The following SORBS3 variants were observed in gnomAD, a reference collection of about 807,000 sequenced individuals.
SORBS3 encodes the protein vinexin.
SORBS3 carries 69 observed loss-of-function variants against 98.0 expected under a neutral mutation model. The ratio of observed to expected loss-of-function variants is 0.70; its 90% confidence interval spans 0.58 to 0.86. The LOEUF (loss-of-function observed/expected upper bound fraction) is 0.86, where lower values mean the gene tolerates loss of function less well. Ranked by LOEUF, SORBS3 falls within the 40% of genes least tolerant of loss-of-function variation. The probability of loss-of-function intolerance (pLI) is 0.00; values close to 1 mark genes in which losing one functional copy is unlikely to be tolerated. For synonymous variants in SORBS3, 394 were observed against 355.4 expected (o/e 1.11, Z -1.22); for missense variants, 954 against 908.5 (o/e 1.05, Z -0.64).
chr8:22,571,961 T>C, intron 19 of SORBS3, 140 bp downstream of exon 19: 1 of 652,380 alleles, frequency 1.5e-6, no homozygotes, highest in South Asian at 1.8e-5. Context: ...GAAGAGCTTA[T>C]GGTGATTTGG....
At chr8:22,557,364 C>T (rs776800176) in intron 4 of SORBS3, among the ~76,000 whole-genome samples, 5 of 152,128 alleles carry the variant, frequency 3.3e-5, no homozygotes, top group Non-Finnish European at 7.4e-5. Context: ...GATACCCTGC[C>T]CTTTTCCATC....
At chr8:22,561,577 G>A in intron 6 of SORBS3, 5 of 628,898 alleles carry the variant, frequency 8.0e-6, no homozygotes, top group South Asian at 5.7e-5. Flanking sequence ...CGGGGAACGC[G>A]CGCTCTGCCA....
At chr8:22,572,276 G>A (rs1840606594) in intron 19 of SORBS3, 64 bp from the exon 20 acceptor site, 1 of 1,338,882 alleles carries the variant, frequency 7.5e-7, no homozygotes, top group Admixed American at 1.7e-5. Context: ...TTCACAGGAA[G>A]CGGCAACACT....
upstream of SORBS3, chr8:22,551,612 G>A (rs1229819700): frequency 2.4e-6 from 1 of 421,108 alleles, no homozygotes; most frequent in Non-Finnish European, 3.2e-6. The surrounding 1 kb of genome is among the most constrained non-coding windows in gnomAD (Gnocchi z 5.8). Flanking sequence ...ACCAGAGAGG[G>A]CTCCCCGGGG....
At chr8:22,549,546 T>C (rs1209210020), upstream of SORBS3, among the ~76,000 whole-genome samples, 1 of 152,204 alleles carries the variant, frequency 6.6e-6, no homozygotes, top group Non-Finnish European at 1.5e-5. Context: ...CAAATTTCCT[T>C]ATGTTTTCCC....
rs146988711 is a variant in SORBS3, at chr8:22,559,908, T to A, written c.479-1427T>A. ...ATGGCGAAACCCTGTCTCTATCAAA[T>A]ATACCAAAATTAGTTGGGCATGGTG... On this transcript the variant is annotated intron_variant, in intron 5 of 20. Coordinates refer to ENST00000240123, the MANE Select transcript of SORBS3 (RefSeq NM_005775.5). Among the ~76,000 whole-genome samples the A allele has an allele frequency of 2.2e-3, 336 of 150,208 alleles. 2 individuals carry two copies. The highest frequency in any genetic ancestry group is 6.9e-3 in the African/African-American group (283 of 40,832).
At chr8:22,560,442 G>T (rs369112968) in intron 5 of SORBS3, among the ~76,000 whole-genome samples, 2 of 152,286 alleles carry the variant, frequency 1.3e-5, no homozygotes, top group East Asian at 1.9e-4. Flanking sequence ...AACCAAAAAG[G>T]CAACTGAGAA....
In SORBS3 at chr8:22,571,153, G is replaced by T. The variant is rs141875840; in HGVS notation, c.1675G>T (p.Gly559Trp). 2 of 1,594,150 alleles carry T rather than the reference G, an allele frequency of 1.3e-6. No individual in the cohort carries two copies. Among genetic ancestry groups the T allele is most frequent in the African/African-American group, 1.3e-5 (1 of 74,594 alleles). Residue 559 changes from glycine (G) to tryptophan (W), a missense_variant, in exon 18 of 21, where the codon GGG (glycine) becomes TGG (tryptophan). Coordinates refer to ENST00000240123, the MANE Select transcript of SORBS3 (RefSeq NM_005775.5). Reference protein sequence around the residue: ...LRSPADPIDLGGQTSPRRTGF... With the variant: ...LRSPADPIDLWGQTSPRRTGF... ...CAGCCCAGCTGACCCCATCGACTTG[G>T]GGGGACAGACCTCCCCCCGTCGCAC...
At chr8:22,563,890 C>A (rs539804902) in intron 7 of SORBS3, 97 bp from the exon 8 acceptor site, 5 of 915,146 alleles carry the variant, frequency 5.5e-6, no homozygotes, top group Admixed American at 1.8e-5. Context: ...GAGTAGACCC[C>A]ACAGCAGGGA....
intron 5 of SORBS3, among the ~76,000 whole-genome samples, chr8:22,560,184 C>G (rs931458125): frequency 6.6e-6 from 1 of 151,986 alleles, no homozygotes; most frequent in African/African-American, 2.4e-5. Context: ...GTTTTAAAAG[C>G]CTTAAGACTA....
chr8:22,560,422 G>C (rs2117239039), intron 5 of SORBS3, among the ~76,000 whole-genome samples: 1 of 152,276 alleles, frequency 6.6e-6, no homozygotes, highest in South Asian at 2.1e-4. Context: ...AAGTTTGAGA[G>C]ATGAGGCGGA....
chr8:22,559,933 G>A (rs1206023582), intron 5 of SORBS3, among the ~76,000 whole-genome samples: 2 of 151,170 alleles, frequency 1.3e-5, no homozygotes, highest in Admixed American at 6.6e-5. Context: ...TGGGCATGGT[G>A]GTGTGCACCT....
chr8:22,554,405 G>T lies in SORBS3; in HGVS notation c.-55-47G>T, dbSNP rs1840143998. On this transcript the variant is annotated intron_variant, in intron 1 of 20. Coordinates refer to ENST00000240123, the MANE Select transcript of SORBS3 (RefSeq NM_005775.5). This position sits in a 1 kb window ranked among gnomAD's most constrained non-coding sequence, Gnocchi z 6.5. ...CCAGGGTCGAGCCAAGAGGGCATGG[G>T]CAGCCTAGCCTAGCAGGGCTTTCCC... 26 of 1,509,700 alleles carry T rather than the reference G, an allele frequency of 1.7e-5. No homozygotes were observed. Among genetic ancestry groups the T allele is most frequent in the Non-Finnish European group, 1.8e-5 (20 of 1,135,866 alleles). 93.5% of individuals were successfully genotyped at this position (1,509,700 alleles called of 1,614,324 possible). A position where few individuals can be genotyped will look rare whatever the true frequency, so the allele number is the denominator to read the frequency against.
chr8:22,571,397 C>A (rs1050740432), intron 18 of SORBS3, among the ~76,000 whole-genome samples, 176 bp downstream of exon 18: 3 of 152,056 alleles, frequency 2.0e-5, no homozygotes, highest in Non-Finnish European at 2.9e-5. Context: ...CTCAACCTAC[C>A]GAGCTCTAGC....
upstream of SORBS3, among the ~76,000 whole-genome samples, chr8:22,550,703 GAA>G (rs543728321): frequency 2.1e-3 from 325 of 152,286 alleles, no homozygotes; most frequent in African/African-American, 7.7e-3. Flanking sequence ...GGTGAGCTTG[GAA>G]AACACTCCAA....
chr8:22,545,092 G>A (rs1840003448), exon 1 of SORBS3: 1 of 152,224 alleles, frequency 6.6e-6, no homozygotes, highest in Non-Finnish European at 1.5e-5. Flanking sequence ...CACCTTGTCT[G>A]GCACCGGGTC....
intron 15 of SORBS3, 70 bp from the exon 16 acceptor site, chr8:22,566,991 G>A (rs781255519): frequency 1.9e-6 from 3 of 1,549,278 alleles, no homozygotes; most frequent in African/African-American, 1.4e-5. Context: ...GGGTGTGTTG[G>A]GCAGGGTCTG....
chr8:22,575,225 G>A lies in SORBS3; in HGVS notation c.*497G>A, dbSNP rs527656951. ...CCTTCTGGCCTCCAGCTGGGTGTGG[G>A]GGGGCGGAGCAAGGCGGGGGACAGA... On this transcript the variant is annotated 3_prime_UTR_variant, in exon 21 of 21. Coordinates refer to ENST00000240123, the MANE Select transcript of SORBS3 (RefSeq NM_005775.5). 16 of 320,364 alleles carry A rather than the reference G, an allele frequency of 5.0e-5. No individual in the cohort carries two copies. Among genetic ancestry groups the A allele is most frequent in the African/African-American group, 1.5e-4 (7 of 45,610 alleles). The allele number at this position is 320,364 out of a possible 1,614,324, so 19.8% of individuals were successfully genotyped here.
At chr8:22,558,025 T>C (rs1563818878) in intron 4 of SORBS3, 104 bp from the exon 5 acceptor site, 1 of 1,057,528 alleles carries the variant, frequency 9.5e-7, no homozygotes, top group Non-Finnish European at 1.5e-6. Context: ...TATGGGGGGT[T>C]CAGGGATGGC....
Sources: gnomAD v4.1 joint callset for allele counts (sites outside exome capture counted in the v4.1 genomes callset) on GRCh38, gnomAD v4.1.1 for gene constraint, Gnocchi (gnomAD v3.1) non-coding constraint, MANE v1.5 for transcripts, NCBI Gene and HGNC (gene_info 2026-07-23, HGNC 2026-07-21) for gene names.